The following RGPD3 variants were observed in gnomAD, a reference collection of about 807,000 sequenced individuals.
RGPD3 encodes RANBP2 like and GRIP domain containing 3, also known as ranBP2-like and GRIP domain-containing protein 3.
RGPD3 carries 62 observed loss-of-function variants against 154.5 expected under a neutral mutation model. The observed-to-expected ratio is 0.40, with a 90% CI of 0.33 to 0.50. RGPD3 has a LOEUF of 0.50. Ranked by LOEUF, RGPD3 falls within the 20% of genes least tolerant of loss-of-function variation. The probability of loss-of-function intolerance (pLI) is 0.59; values close to 1 mark genes in which losing one functional copy is unlikely to be tolerated. For missense variants in RGPD3, 919 were observed against 1,716.8 expected (o/e 0.54, Z 8.21); for synonymous variants, 308 against 607.0 (o/e 0.51, Z 7.24).
chr2:106,418,258 C>T lies in RGPD3; in HGVS notation c.4925-2269G>A, dbSNP rs924056715. On this transcript the variant is annotated intron_variant, in intron 20 of 22. Transcript: ENST00000409886. ...AGATAACACAGCTCATAATATAGTA[C>T]TACTTATTTTTTATTAATTTAGAGT... Among the ~76,000 whole-genome samples, 23 of 146,912 alleles carry T rather than the reference C, an allele frequency of 1.6e-4. 1 individual carries two copies. The highest frequency in any genetic ancestry group is 2.8e-4 in the Non-Finnish European group (19 of 66,988).
intron 9 of RGPD3, among the ~76,000 whole-genome samples, chr2:106,437,503 C>G (rs1677597592): frequency 6.6e-6 from 1 of 152,052 alleles, no homozygotes; most frequent in African/African-American, 2.4e-5. Context: ...CAGAGCGAGA[C>G]TCTGTCTCAA....
Position 106,404,453 on chromosome 2 carries a change from T to TTA in RGPD3, c.*765_*766insTA. Among the ~76,000 whole-genome samples the TTA allele has an allele frequency of 7.0e-6, 1 of 143,566 alleles. No individual in the cohort carries two copies. The highest frequency in any genetic ancestry group is 2.7e-5 in the African/African-American group (1 of 37,486). 94.2% of individuals were successfully genotyped at this position (143,566 alleles called of 152,430 possible). On this transcript the variant is annotated 3_prime_UTR_variant, in exon 23 of 23. Transcript: ENST00000409886. ...TTTATTTTAAAGCAAATAACTAAAC[T>TTA]GTATTTTAACTTAGCACAATTAACT...
chr2:106,421,182 C>A (rs1269063276), intron 20 of RGPD3, among the ~76,000 whole-genome samples: 1 of 152,080 alleles, frequency 6.6e-6, no homozygotes, highest in Non-Finnish European at 1.5e-5. Flanking sequence ...CTCTTGGCCT[C>A]AGTTTACTCA....
In RGPD3 at chr2:106,438,958, T is replaced by C; in HGVS notation, c.1276+10A>G. On this transcript the variant is annotated intron_variant, in intron 9 of 22. Transcript: ENST00000409886. Reference sequence around the variant, plus strand: ...GACGGAGACCATTTCCTCTGAAACATATAACTTACCAACATCGTATCTAGC... The same window carrying C: ...GACGGAGACCATTTCCTCTGAAACACATAACTTACCAACATCGTATCTAGC... The C allele has an allele frequency of 7.5e-6, 2 of 267,954 alleles. No homozygotes were observed. The highest frequency in any genetic ancestry group is 2.3e-5 in the South Asian group (1 of 42,726). 16.6% of individuals were successfully genotyped at this position (267,954 alleles called of 1,614,324 possible). A position where few individuals can be genotyped will look rare whatever the true frequency, so the allele number is the denominator to read the frequency against.
At position 106,413,259 on chromosome 2, in the gene RGPD3, C is replaced by A; in HGVS notation, c.5091G>T (p.Leu1697Phe). ...ACACCTCTTGCTCTTGATTCCTTTC[C>A]AATCTTCTTATTTCACTTTTGAGAA... ...IKLLKSEIRR[L>F]ERNQEQEVSA... The change falls in exon 22 of 23, where the codon TTG becomes TTT. Residue 1697 changes from leucine to phenylalanine, a missense_variant. Coordinates refer to ENST00000409886, the MANE Select transcript of RGPD3 (RefSeq NM_001144013.2). The A allele has an allele frequency of 6.2e-7, 1 of 1,611,884 alleles. No homozygotes were observed. The highest frequency in any genetic ancestry group is 8.5e-7 in the Non-Finnish European group (1 of 1,179,836).
intron 20 of RGPD3, among the ~76,000 whole-genome samples, chr2:106,418,178 T>C (rs1192915575): frequency 1.4e-5 from 2 of 145,008 alleles, no homozygotes; most frequent in African/African-American, 5.0e-5. Context: ...TTTAACTACG[T>C]TAGTCATTTT....
rs186974836 is a variant in RGPD3, at chr2:106,414,478, C to T, written c.5065-1193G>A. Among the ~76,000 whole-genome samples, 338 of 150,618 alleles carry T rather than the reference C, an allele frequency of 2.2e-3. 1 individual carries two copies. Among genetic ancestry groups the T allele is most frequent in the African/African-American group, 7.8e-3 (321 of 41,084 alleles). On this transcript the variant is annotated intron_variant, in intron 21 of 22. Coordinates refer to ENST00000409886, the MANE Select transcript of RGPD3 (RefSeq NM_001144013.2). ...CTCTAGTAAAATAAAAAAAATTAGC[C>T]GGGCATGGTGGTGCGTGCCTGCAGT...
Position 106,405,163 on chromosome 2 carries a change from C to T in RGPD3, c.*56G>A, listed in dbSNP as rs1363274364. 32 of 1,605,792 alleles carry T rather than the reference C, an allele frequency of 2.0e-5. No individual in the cohort carries two copies. The highest frequency in any genetic ancestry group is 5.6e-5 in the South Asian group (5 of 89,360). On this transcript the variant is annotated 3_prime_UTR_variant, in exon 23 of 23. Coordinates refer to ENST00000409886, the MANE Select transcript of RGPD3 (RefSeq NM_001144013.2). ...AAAAACATTCCTTCCATCAACCTAT[C>T]GAAGTCCAAACCAACTACGAAGATA...
At chr2:106,468,186 G>C (rs556201525) in intron 1 of RGPD3, 31 bp downstream of exon 1, 2 of 1,584,354 alleles carry the variant, frequency 1.3e-6, no homozygotes, top group East Asian at 2.3e-5. Flanking sequence ...CGGCCAGGTC[G>C]AGGCCGTCGG....
chr2:106,467,956 G>C (rs1397000586), intron 1 of RGPD3, among the ~76,000 whole-genome samples: 1 of 139,154 alleles, frequency 7.2e-6, no homozygotes, highest in Non-Finnish European at 1.6e-5. Flanking sequence ...TGACGCCTGA[G>C]CCATCGAGGC....
At chr2:106,437,434 C>A (rs1186995765) in intron 9 of RGPD3, among the ~76,000 whole-genome samples, 3 of 151,032 alleles carry the variant, frequency 2.0e-5, no homozygotes, top group East Asian at 2.0e-4. Context: ...ATTGCTTGAA[C>A]CTGGCAGGCG....
intron 1 of RGPD3, among the ~76,000 whole-genome samples, chr2:106,463,277 C>G (rs1249985069): frequency 1.3e-5 from 2 of 151,948 alleles, no homozygotes; most frequent in African/African-American, 2.4e-5. Flanking sequence ...AGTTTCCAGA[C>G]CAGCCTGACC....
chr2:106,436,176 GT>G lies in RGPD3; in HGVS notation c.1704del (p.Lys568AsnfsTer33). The G allele has an allele frequency of 1.2e-6, 2 of 1,611,820 alleles. No homozygotes were observed. Among genetic ancestry groups the G allele is most frequent in the Non-Finnish European group, 8.5e-7 (1 of 1,179,842 alleles). ...ACAAGCAGAGCAGGTTGAAGGCCATGTTTTTCCTGGGCTCTTAGAGTGTTTA... is the reference window on the plus strand; with the variant it reads ...ACAAGCAGAGCAGGTTGAAGGCCATGTTTTCCTGGGCTCTTAGAGTGTTTA... ...HEINTLRAQEKHGLQPALLVH... is the reference protein window; with the variant it reads ...HEINTLRAQEXHGLQPALLVH... On this transcript the variant is annotated frameshift_variant, in exon 12 of 23. Transcript: ENST00000409886. LOFTEE classifies it high-confidence loss of function.
upstream of RGPD3, among the ~76,000 whole-genome samples, chr2:106,469,423 C>G (rs545666378): frequency 6.6e-6 from 1 of 152,212 alleles, no homozygotes; most frequent in African/African-American, 2.4e-5. Context: ...CTCCAATTCC[C>G]CCTTTCAATG....
At chr2:106,412,292 AGTTTT>A (rs1676693587) in intron 22 of RGPD3, among the ~76,000 whole-genome samples, 1 of 76,720 alleles carries the variant, frequency 1.3e-5, no homozygotes, top group African/African-American at 4.6e-5. Context: ...ACTACATCAT[AGTTTT>A]TTTTTTTTTT....
In RGPD3 at chr2:106,425,167, C is replaced by G; in HGVS notation, c.2800G>C (p.Glu934Gln). The change falls in exon 20 of 23, where the codon GAA becomes CAA. Residue 934 changes from glutamate (E) to glutamine (Q), a missense_variant. Coordinates refer to ENST00000409886, the MANE Select transcript of RGPD3 (RefSeq NM_001144013.2). ...TCAAGAGGCTTTTCACTTTTCTTTT[C>G]TTGATTTCCTGGTTCCGAAATGCCA... ...KFGISEPGNQ[E>Q]KKSEKPLEND... 1 of 1,611,854 alleles carries G rather than the reference C, an allele frequency of 6.2e-7. No homozygotes were observed.
chr2:106,451,411 G>C (rs913081610), intron 6 of RGPD3, among the ~76,000 whole-genome samples: 1 of 145,852 alleles, frequency 6.9e-6, no homozygotes, highest in African/African-American at 2.5e-5. Context: ...CAAATGGACA[G>C]CCTAAACTAG....
chr2:106,434,248 T>C lies in RGPD3; in HGVS notation c.2185A>G (p.Asn729Asp), dbSNP rs573288790. The change falls in exon 15 of 23, where the codon AAT becomes GAT. Residue 729 changes from asparagine (N) to aspartate (D), a missense_variant. Coordinates refer to ENST00000409886, the MANE Select transcript of RGPD3 (RefSeq NM_001144013.2). ...CTTACTTTCTTGACCACTGAAAGAT[T>C]TGAATCACTGTCATCTAAAATCTTT... The part of the protein sequence containing the change: ...LIKILDDSDS[N>D]LSVVKKLPVP... 321 of 1,592,606 alleles carry C rather than the reference T, an allele frequency of 2.0e-4. No individual in the cohort carries two copies. Among genetic ancestry groups the C allele is most frequent in the Non-Finnish European group, 2.6e-4 (302 of 1,169,568 alleles).
intron 22 of RGPD3, among the ~76,000 whole-genome samples, chr2:106,410,292 T>G (rs1676632248): frequency 1.3e-5 from 2 of 152,188 alleles, no homozygotes; most frequent in Non-Finnish European, 2.9e-5. Context: ...AGACAAGTAG[T>G]AAATAATCTT....
Sources: allele counts gnomAD v4.1 joint callset (sites outside exome capture counted in the v4.1 genomes callset), GRCh38; gene constraint gnomAD v4.1.1; transcripts MANE v1.5; gene names NCBI Gene and HGNC (gene_info 2026-07-23, HGNC 2026-07-21).